The following GRM8 variants were observed in gnomAD, a reference collection of about 807,000 sequenced individuals.
GRM8 encodes glutamate metabotropic receptor 8, also known as metabotropic glutamate receptor 8.
Under a neutral mutation model 87.2 loss-of-function variants are expected in GRM8, and 47 were observed. The ratio of observed to expected loss-of-function variants is 0.54; its 90% CI spans 0.43 to 0.69. The LOEUF (loss-of-function observed/expected upper bound fraction) is 0.69. Among genes scored for constraint, GRM8 ranks in the 30% least tolerant of loss-of-function variants. The pLI is 0.00. For synonymous variants in GRM8, 396 were observed against 404.5 expected (o/e 0.98, Z 0.25); for missense variants, 1,019 against 1,139.2 (o/e 0.89, Z 1.52).
chr7:127,033,115 AT>A lies in GRM8; in HGVS notation c.727+73380del, dbSNP rs939112160. 3.7e-5 allele frequency among the ~76,000 whole-genome samples: 5 copies of A among 133,530 alleles called. No homozygotes were observed. The East Asian group carries it at 1.1e-3, about 28-fold the overall frequency. The allele number at this position is 133,530 out of a possible 152,430, so 87.6% of individuals were successfully genotyped here. On this transcript the variant is annotated intron_variant, in intron 3 of 10. Coordinates refer to ENST00000339582, the MANE Select transcript of GRM8 (RefSeq NM_000845.3). ...TTTTTGTCTCCTGGTCTGTTGCTTT[AT>A]TTTTTTAACTCAATTTACAATGTTT...
chr7:126,725,203 G>A (rs1221697621), intron 7 of GRM8, among the ~76,000 whole-genome samples: 1 of 152,184 alleles, frequency 6.6e-6, no homozygotes, highest in Non-Finnish European at 1.5e-5. Flanking sequence ...GAAAGAAAGT[G>A]ATCTGTGTGT....
intron 8 of GRM8, among the ~76,000 whole-genome samples, chr7:126,591,227 T>C (rs1400608802): frequency 6.6e-6 from 1 of 152,100 alleles, no homozygotes; most frequent in Non-Finnish European, 1.5e-5. Flanking sequence ...CAGATAGTCA[T>C]TCTTACATCA....
chr7:126,566,268 T>C (rs2896372), intron 8 of GRM8, among the ~76,000 whole-genome samples: 46,929 of 151,956 alleles, frequency 0.31, 8,114 homozygotes, highest in East Asian at 0.44. Flanking sequence ...TACTTGAAAG[T>C]GATATATCTG....
intron 3 of GRM8, among the ~76,000 whole-genome samples, chr7:127,069,485 A>T (rs1035373013): frequency 9.2e-5 from 6 of 65,308 alleles, no homozygotes; most frequent in Non-Finnish European, 2.6e-4. Context: ...TTTTAATTTA[A>T]AAAAAAAAGA....
chr7:126,870,672 G>A (rs1799019812), intron 6 of GRM8: 1 of 152,094 alleles, frequency 6.6e-6, no homozygotes. Context: ...CCAGAGATAG[G>A]GTTCGTAGTG....
At chr7:127,042,446 G>A (rs1354153673) in intron 3 of GRM8, among the ~76,000 whole-genome samples, 2 of 152,102 alleles carry the variant, frequency 1.3e-5, no homozygotes, top group Non-Finnish European at 2.9e-5. Flanking sequence ...AGGAAGAAAC[G>A]GAAAAAGAAT....
At chr7:127,173,466 A>G (rs1793931922) in intron 2 of GRM8, among the ~76,000 whole-genome samples, 1 of 152,178 alleles carries the variant, frequency 6.6e-6, no homozygotes. Flanking sequence ...TGAAAGGGAA[A>G]GAAAGGAGTA....
intron 2 of GRM8, among the ~76,000 whole-genome samples, chr7:127,141,697 G>A (rs1221467627): frequency 2.6e-5 from 4 of 152,134 alleles, no homozygotes; most frequent in Admixed American, 2.6e-4. Context: ...ATGTAAAAGT[G>A]TTAAAATCCA....
chr7:126,844,058 C>G (rs988436006), intron 6 of GRM8, among the ~76,000 whole-genome samples: 1 of 152,160 alleles, frequency 6.6e-6, no homozygotes, highest in African/African-American at 2.4e-5. Context: ...TAACAATAGC[C>G]AAGCAGACTC....
At chr7:127,139,111 A>G (rs1227087872) in intron 2 of GRM8, among the ~76,000 whole-genome samples, 4 of 152,060 alleles carry the variant, frequency 2.6e-5, no homozygotes, top group Non-Finnish European at 4.4e-5. Context: ...AATTCTAACT[A>G]CTTTGTCGTG....
chr7:126,780,294 G>A (rs1819919534), intron 6 of GRM8, among the ~76,000 whole-genome samples: 1 of 152,050 alleles, frequency 6.6e-6, no homozygotes, highest in Non-Finnish European at 1.5e-5. Flanking sequence ...TCTGTAAAAT[G>A]GGGATAACAA....
intron 3 of GRM8, among the ~76,000 whole-genome samples, chr7:127,044,563 TA>T (rs796851432): frequency 4.7e-5 from 7 of 149,034 alleles, no homozygotes; most frequent in African/African-American, 1.2e-4. Flanking sequence ...ACCGTTTAGC[TA>T]AAAAAAAAAT....
At chr7:126,990,124 A>G (rs1006098996) in intron 3 of GRM8, among the ~76,000 whole-genome samples, 5 of 152,170 alleles carry the variant, frequency 3.3e-5, no homozygotes, top group Non-Finnish European at 5.9e-5. Flanking sequence ...GAGAATCAGC[A>G]TTATTTAATA....
At chr7:126,899,924 C>T (rs1280342861) in intron 6 of GRM8, among the ~76,000 whole-genome samples, 1 of 152,088 alleles carries the variant, frequency 6.6e-6, no homozygotes, top group East Asian at 1.9e-4. Flanking sequence ...ACCCTTATCT[C>T]TCAGCTGCAA....
intron 3 of GRM8, among the ~76,000 whole-genome samples, chr7:126,992,113 G>A (rs985770826): frequency 6.6e-6 from 1 of 152,152 alleles, no homozygotes; most frequent in Non-Finnish European, 1.5e-5. Flanking sequence ...GAAAAAAACT[G>A]TAGCCAATAA....
intron 8 of GRM8, among the ~76,000 whole-genome samples, chr7:126,596,571 G>A (rs1274603169): frequency 1.3e-5 from 2 of 152,222 alleles, no homozygotes; most frequent in East Asian, 3.9e-4. Flanking sequence ...CAGGCATTGG[G>A]GAGTGAGGCA....
chr7:126,542,217 A>G (rs557132335), intron 8 of GRM8, among the ~76,000 whole-genome samples: 1 of 152,340 alleles, frequency 6.6e-6, no homozygotes, highest in South Asian at 2.1e-4. Flanking sequence ...GCAACCCTAG[A>G]AAACTAATTT....
chr7:126,649,025 C>T (rs1022223665), intron 7 of GRM8, among the ~76,000 whole-genome samples: 8 of 152,170 alleles, frequency 5.3e-5, no homozygotes, highest in Non-Finnish European at 1.2e-4. Flanking sequence ...TAGCTTGGTG[C>T]ATTTCTTAGT....
At chr7:127,016,991 T>C (rs963765905) in intron 3 of GRM8, among the ~76,000 whole-genome samples, 1 of 152,128 alleles carries the variant, frequency 6.6e-6, no homozygotes, top group Non-Finnish European at 1.5e-5. Context: ...TCTTGATTAA[T>C]GAGATCATCT....
Sources: gnomAD v4.1 joint callset for allele counts (sites outside exome capture counted in the v4.1 genomes callset) on GRCh38, gnomAD v4.1.1 for gene constraint, MANE v1.5 for transcripts, NCBI Gene and HGNC (gene_info 2026-07-23, HGNC 2026-07-21) for gene names.